UBAC2: variants seen among roughly 807,000 people sequenced by gnomAD.
UBAC2 encodes UBA domain containing 2.
UBAC2 carries 26 observed loss-of-function variants against 44.0 expected under a neutral mutation model. The ratio of observed to expected loss-of-function variants is 0.59; its 90% CI spans 0.43 to 0.82. The LOEUF (loss-of-function observed/expected upper bound fraction) is 0.82. Among genes scored for constraint, UBAC2 ranks in the 40% least tolerant of loss-of-function variants. The pLI, the probability that UBAC2 is intolerant of heterozygous loss-of-function variation, is 0.00. For synonymous variants in UBAC2, 155 were observed against 154.3 expected (o/e 1.00, Z -0.04); for missense variants, 329 against 419.4 (o/e 0.78, Z 1.88).
chr13:99,347,319 GCCCCCC>G (rs3031439), intron 7 of UBAC2, among the ~76,000 whole-genome samples: 2 of 20,550 alleles, frequency 9.7e-5, no homozygotes, highest in African/African-American at 2.4e-4. Flanking sequence ...ATCCCCGGGC[GCCCCCC>G]CCCCCCCCCA....
At chr13:99,350,354 G>A (rs1277604898) in intron 7 of UBAC2, among the ~76,000 whole-genome samples, 2 of 152,174 alleles carry the variant, frequency 1.3e-5, no homozygotes, top group Non-Finnish European at 2.9e-5. Flanking sequence ...ATGGGGGCTG[G>A]TTACCAGGGG....
intron 1 of UBAC2, 62 bp from the exon 2 acceptor site, chr13:99,238,365 G>T: frequency 6.4e-7 from 1 of 1,558,240 alleles, no homozygotes; most frequent in Non-Finnish European, 8.7e-7. Flanking sequence ...TGCTTTTCAC[G>T]CATGTGGTTT....
chr13:99,371,240 A>C (rs1338120705), intron 8 of UBAC2, among the ~76,000 whole-genome samples: 5 of 152,184 alleles, frequency 3.3e-5, no homozygotes, highest in Non-Finnish European at 7.4e-5. Context: ...CATCAGTTTA[A>C]AACAGTACTT....
At chr13:99,292,423 T>A (rs932067198) in intron 4 of UBAC2, among the ~76,000 whole-genome samples, 1 of 152,096 alleles carries the variant, frequency 6.6e-6, no homozygotes, top group Non-Finnish European at 1.5e-5. Context: ...ATTACAGGCA[T>A]GAGCCACTGC....
At chr13:99,320,540 T>G (rs1340540620) in intron 6 of UBAC2, among the ~76,000 whole-genome samples, 1 of 152,192 alleles carries the variant, frequency 6.6e-6, no homozygotes, top group Non-Finnish European at 1.5e-5. Flanking sequence ...TGATAAATCT[T>G]CATATTAACC....
intron 1 of UBAC2, among the ~76,000 whole-genome samples, chr13:99,237,856 G>A (rs1483849677): frequency 6.6e-6 from 1 of 152,166 alleles, no homozygotes; most frequent in Non-Finnish European, 1.5e-5. Flanking sequence ...TCAGGAGGCT[G>A]AGGCAGGAGA....
intron 6 of UBAC2, among the ~76,000 whole-genome samples, chr13:99,328,654 T>C (rs73568081): frequency 2.0e-3 from 307 of 152,348 alleles, no homozygotes; most frequent in African/African-American, 7.1e-3. Context: ...GTGAAATATC[T>C]GTTCAAATCT....
At chr13:99,364,325 T>G (rs200830529) in intron 7 of UBAC2, among the ~76,000 whole-genome samples, 1 of 150,516 alleles carries the variant, frequency 6.6e-6, no homozygotes, top group African/African-American at 2.5e-5. Context: ...CTAGTTTTTC[T>G]AAGATTTTTG....
intron 6 of UBAC2, among the ~76,000 whole-genome samples, chr13:99,333,098 G>A (rs79101016): frequency 0.031 from 4,646 of 151,994 alleles, 95 homozygotes; most frequent in Middle Eastern, 0.13. Context: ...CCCGTCTCTG[G>A]GGGGGGAAGA....
rs901573777 is a variant in UBAC2, at chr13:99,231,110, C to T, written c.32-7317C>T. On this transcript the variant is annotated intron_variant, in intron 1 of 8. Coordinates refer to ENST00000403766, the MANE Select transcript of UBAC2 (RefSeq NM_001144072.2). ...CTGGATATCTTAGGTAGTCTCATCT[C>T]AAGGACATCTGATTAGCAACCTCAA... 3.9e-5 allele frequency among the ~76,000 whole-genome samples: 6 copies of T among 152,188 alleles called. No homozygotes were observed. In the South Asian group the frequency reaches 1.2e-3, roughly 31 times the overall value.
chr13:99,213,348 C>T (rs572814948), intron 1 of UBAC2, among the ~76,000 whole-genome samples: 1 of 151,948 alleles, frequency 6.6e-6, no homozygotes, highest in Admixed American at 6.6e-5. Flanking sequence ...AGCCACCACG[C>T]CCTATCCATA....
At chr13:99,296,020 G>T in intron 4 of UBAC2, 1 of 1,613,664 alleles carries the variant, frequency 6.2e-7, no homozygotes, top group South Asian at 1.1e-5. Context: ...GCCCAATGAT[G>T]AAGACGAGGC....
chr13:99,271,161 A>G lies in UBAC2; in HGVS notation c.389+26537A>G, dbSNP rs116001128. Among the ~76,000 whole-genome samples the G allele has an allele frequency of 6.4e-3, 977 of 152,296 alleles. 6 individuals carry two copies. Among genetic ancestry groups the G allele is most frequent in the African/African-American group, 0.023 (948 of 41,552 alleles). On this transcript the variant is annotated intron_variant, in intron 4 of 8. Transcript: ENST00000403766. ...TAAACAAAATAAAAATTTGTAATAT[A>G]TATATGCCAGATCATGATCTGTGTT... is the stretch of plus-strand genomic sequence containing the variant.
chr13:99,208,779 G>T (rs2142649510), intron 1 of UBAC2, among the ~76,000 whole-genome samples: 2 of 152,310 alleles, frequency 1.3e-5, no homozygotes, highest in Middle Eastern at 6.8e-3. Context: ...TTCTTCTGTG[G>T]CTCCCTGAGC....
intron 1 of UBAC2, among the ~76,000 whole-genome samples, chr13:99,216,807 C>T (rs968431779): frequency 4.7e-5 from 7 of 149,250 alleles, no homozygotes; most frequent in Admixed American, 1.3e-4. Context: ...TTGGTTTTGT[C>T]GTTTTTGTTG....
chr13:99,245,274 G>C (rs2043369617), intron 4 of UBAC2, among the ~76,000 whole-genome samples: 1 of 152,136 alleles, frequency 6.6e-6, no homozygotes. Flanking sequence ...CAAAAATATA[G>C]TTTAATTAGA....
chr13:99,362,937 T>C (rs893499252), intron 7 of UBAC2, among the ~76,000 whole-genome samples: 2 of 152,256 alleles, frequency 1.3e-5, no homozygotes, highest in African/African-American at 4.8e-5. Flanking sequence ...TTATACTTCG[T>C]ATTTCTGTTT....
chr13:99,237,947 T>A lies in UBAC2; in HGVS notation c.32-480T>A, dbSNP rs1183527028. Among the ~76,000 whole-genome samples the A allele has an allele frequency of 2.6e-5, 4 of 152,214 alleles. No individual in the cohort carries two copies. The East Asian group carries it at 5.8e-4, about 22-fold the overall frequency. ...TCCAGTTTGGGCGACAAAGTGAGAC[T>A]CTCTCTGGATATGATTATATGAATG... On this transcript the variant is annotated intron_variant, in intron 1 of 8. Transcript: ENST00000403766.
At chr13:99,282,911 C>G (rs1487054893) in intron 4 of UBAC2, among the ~76,000 whole-genome samples, 2 of 152,152 alleles carry the variant, frequency 1.3e-5, no homozygotes, top group African/African-American at 4.8e-5. Flanking sequence ...TCTGAAATAT[C>G]TAATGTGCTT....
Sources: allele counts gnomAD v4.1 joint callset (sites outside exome capture counted in the v4.1 genomes callset), GRCh38; gene constraint gnomAD v4.1.1; transcripts MANE v1.5; gene names NCBI Gene and HGNC (gene_info 2026-07-23, HGNC 2026-07-21).